PITPNC1: variants seen among roughly 807,000 people sequenced by gnomAD.
PITPNC1 encodes cytoplasmic phosphatidylinositol transfer protein 1.
Under a neutral mutation model 44.7 loss-of-function variants are expected in PITPNC1, and 18 were observed. The observed-to-expected ratio is 0.40, with a 90% CI of 0.28 to 0.60. The LOEUF (loss-of-function observed/expected upper bound fraction) is 0.60. PITPNC1 is among the 20% of genes least tolerant of loss of function. PITPNC1 has a pLI of 0.39. For synonymous variants in PITPNC1, 141 were observed against 149.6 expected (o/e 0.94, Z 0.42); for missense variants, 290 against 418.4 (o/e 0.69, Z 2.68).
At chr17:67,605,973 A>G (rs990221878) in intron 5 of PITPNC1, among the ~76,000 whole-genome samples, 1 of 152,196 alleles carries the variant, frequency 6.6e-6, no homozygotes, top group African/African-American at 2.4e-5. Flanking sequence ...AGGCCACACA[A>G]TGAATAGCTG....
At chr17:67,589,172 T>A (rs2041358616) in intron 5 of PITPNC1, among the ~76,000 whole-genome samples, 1 of 152,334 alleles carries the variant, frequency 6.6e-6, no homozygotes, top group African/African-American at 2.4e-5. Flanking sequence ...CCTTAAGATG[T>A]GGCCACTGCT....
Position 67,665,403 on chromosome 17 carries a change from T to C in PITPNC1, c.463-4105T>C, listed in dbSNP as rs190478881. 3.9e-5 allele frequency among the ~76,000 whole-genome samples: 6 copies of C among 152,162 alleles called. No homozygotes were observed. The East Asian group carries it at 7.7e-4, about 20-fold the overall frequency. On this transcript the variant is annotated intron_variant, in intron 6 of 8. Transcript: ENST00000581322. Reference sequence around the variant, plus strand: ...CCACTGCACCCAGCCCATGTACATGTTTTTGTGTGGATATGTGTTTTCAAG... The same window carrying C: ...CCACTGCACCCAGCCCATGTACATGCTTTTGTGTGGATATGTGTTTTCAAG...
Position 67,419,480 on chromosome 17 carries a change from G to A in PITPNC1, c.48+41278G>A, listed in dbSNP as rs557826496. On this transcript the variant is annotated intron_variant, in intron 1 of 8. Transcript: ENST00000581322. ...GGGTTCAGTACCTCCTTTAATGTAAGAGCTGGCCCGTCTTCCCTACCTACT... is the reference window on the plus strand; with the variant it reads ...GGGTTCAGTACCTCCTTTAATGTAAAAGCTGGCCCGTCTTCCCTACCTACT... Among the ~76,000 whole-genome samples, 42 of 152,250 alleles carry A rather than the reference G, an allele frequency of 2.8e-4. No individual in the cohort carries two copies. The East Asian group carries it at 6.0e-3, about 22-fold the overall frequency.
intron 1 of PITPNC1, among the ~76,000 whole-genome samples, chr17:67,460,689 A>T (rs1020910057): frequency 6.8e-6 from 1 of 146,890 alleles, no homozygotes; most frequent in Admixed American, 6.8e-5. Context: ...TGTTGGGATT[A>T]CAGGCATGAG....
Position 67,564,161 on chromosome 17 carries a change from GTGGATGGA to G in PITPNC1, c.294+10579_294+10586del, listed in dbSNP as rs113903369. On this transcript the variant is annotated intron_variant, in intron 4 of 8. Transcript: ENST00000581322. ...AAGATAGATTAGATAGGTAGATTGG[GTGGATGGA>G]TGGATGGATGGATGGATGGATGGAT... Among the ~76,000 whole-genome samples, 1,113 of 148,512 alleles carry G rather than the reference GTGGATGGA, an allele frequency of 7.5e-3. 12 individuals carry two copies. The highest frequency in any genetic ancestry group is 0.017 in the African/African-American group (693 of 40,300).
chr17:67,408,710 C>CT (rs1288998137), intron 1 of PITPNC1: 4 of 143,054 alleles, frequency 2.8e-5, no homozygotes, highest in Non-Finnish European at 4.6e-5. Context: ...TCCTTCCTTC[C>CT]TTCCTTCCTT....
At chr17:67,673,877 G>T (rs2042553178) in intron 7 of PITPNC1, among the ~76,000 whole-genome samples, 1 of 148,502 alleles carries the variant, frequency 6.7e-6, no homozygotes, top group Non-Finnish European at 1.5e-5. Flanking sequence ...CTTGAACCAG[G>T]GAAGCGGAGG....
At chr17:67,507,070 A>G (rs2040113917) in intron 1 of PITPNC1, among the ~76,000 whole-genome samples, 1 of 152,192 alleles carries the variant, frequency 6.6e-6, no homozygotes, top group African/African-American at 2.4e-5. Context: ...ATTGCCAGGA[A>G]TGGACACATT....
intron 8 of PITPNC1, among the ~76,000 whole-genome samples, chr17:67,681,729 C>T (rs1345649409): frequency 6.6e-6 from 1 of 150,890 alleles, no homozygotes; most frequent in African/African-American, 2.4e-5. Context: ...TCACAAGAAC[C>T]GTAATGAGAA....
At chr17:67,531,062 G>A (rs1222147914) in intron 1 of PITPNC1, among the ~76,000 whole-genome samples, 3 of 152,106 alleles carry the variant, frequency 2.0e-5, no homozygotes, top group African/African-American at 7.2e-5. Context: ...GGGCAACATG[G>A]TGAGACCCTG....
intron 5 of PITPNC1, among the ~76,000 whole-genome samples, chr17:67,584,279 A>T (rs1199672349): frequency 6.6e-6 from 1 of 152,178 alleles, no homozygotes; most frequent in Admixed American, 6.5e-5. Flanking sequence ...CATTAGCCAC[A>T]TATCACCAAG....
chr17:67,675,932 C>T (rs1310508919), intron 8 of PITPNC1, among the ~76,000 whole-genome samples: 1 of 152,206 alleles, frequency 6.6e-6, no homozygotes, highest in Non-Finnish European at 1.5e-5. Flanking sequence ...CCTTGCCGGG[C>T]GCAGTGGCTC....
chr17:67,538,314 C>G (rs905791834), intron 2 of PITPNC1, among the ~76,000 whole-genome samples: 9 of 152,126 alleles, frequency 5.9e-5, no homozygotes, highest in African/African-American at 2.2e-4. Flanking sequence ...CAAATAAACT[C>G]CATGGCTGGG....
intron 5 of PITPNC1, among the ~76,000 whole-genome samples, chr17:67,590,095 A>G (rs1018334430): frequency 6.6e-6 from 1 of 152,222 alleles, no homozygotes; most frequent in Non-Finnish European, 1.5e-5. Flanking sequence ...TGAGAGAAGC[A>G]CTACCTCTGG....
At chr17:67,641,827 G>A (rs1017682982) in intron 6 of PITPNC1, among the ~76,000 whole-genome samples, 5 of 106,210 alleles carry the variant, frequency 4.7e-5, no homozygotes, top group South Asian at 3.1e-4. Context: ...AATAATAAGC[G>A]AGTGTACGGT....
chr17:67,506,588 C>T (rs1478999026), intron 1 of PITPNC1, among the ~76,000 whole-genome samples: 1 of 152,074 alleles, frequency 6.6e-6, no homozygotes, highest in Admixed American at 6.6e-5. Flanking sequence ...CAGGATTTGC[C>T]TATTTTTATT....
chr17:67,695,178 C>G lies in PITPNC1; in HGVS notation c.*2290C>G, dbSNP rs539991313. On this transcript the variant is annotated 3_prime_UTR_variant, in exon 9 of 9. Transcript: ENST00000581322. ...GCTACGATGATAGTGTGATTCTTAG[C>G]CGAAAAAAAAGCGTGTGCTCTTAAA... 6.6e-6 allele frequency: 1 copy of G among 152,072 alleles called. No homozygotes were observed. Among genetic ancestry groups the G allele is most frequent in the South Asian group, 2.1e-4 (1 of 4,814 alleles). 9.4% of individuals were successfully genotyped at this position (152,072 alleles called of 1,614,324 possible).
chr17:67,411,013 C>T (rs1186599294), intron 1 of PITPNC1, among the ~76,000 whole-genome samples: 3 of 148,598 alleles, frequency 2.0e-5, no homozygotes, highest in Admixed American at 6.8e-5. Context: ...ACTCGGGAGG[C>T]GGAGGTTGCA....
At chr17:67,488,052 C>A (rs752833142) in intron 1 of PITPNC1, among the ~76,000 whole-genome samples, 1 of 152,150 alleles carries the variant, frequency 6.6e-6, no homozygotes, top group East Asian at 1.9e-4. Flanking sequence ...CTGTTGCTGG[C>A]GGGATTTTCT....
Sources: gnomAD v4.1 joint callset for allele counts (sites outside exome capture counted in the v4.1 genomes callset) on GRCh38, gnomAD v4.1.1 for gene constraint, MANE v1.5 for transcripts, NCBI Gene and HGNC (gene_info 2026-07-23, HGNC 2026-07-21) for gene names.